Variants in ATP1B2 observed in about 807,000 individuals in gnomAD.
ATP1B2 encodes the protein ATPase Na+/K+ transporting subunit beta 2.
A neutral mutation model predicts 37.3 loss-of-function variants in ATP1B2; 12 were observed. That is an observed-to-expected ratio of 0.32 (90% confidence interval 0.21 to 0.52). The LOEUF is 0.52. Ranked by LOEUF, ATP1B2 falls within the 20% of genes least tolerant of loss-of-function variation. The probability of loss-of-function intolerance (pLI) is 0.96; values close to 1 mark genes in which losing one functional copy is unlikely to be tolerated. For synonymous variants in ATP1B2, 139 were observed against 140.5 expected (o/e 0.99, Z 0.07); for missense variants, 324 against 391.6 (o/e 0.83, Z 1.46).
chr17:7,646,716 TC>T (rs1026745324), upstream of ATP1B2: 19 of 152,284 alleles, frequency 1.2e-4, 1 homozygote, highest in Admixed American at 9.2e-4. Flanking sequence ...GCACATTATG[TC>T]TGCAACTGAA....
intron 1 of ATP1B2, among the ~76,000 whole-genome samples, chr17:7,653,153 C>A (rs1474069885): frequency 6.6e-6 from 1 of 152,108 alleles, no homozygotes; most frequent in Non-Finnish European, 1.5e-5. Flanking sequence ...TTCACTGTGC[C>A]CTAGGACCAG....
In ATP1B2 at chr17:7,651,565, A is replaced by T. The variant is rs1300793435; in HGVS notation, c.47A>T (p.Glu16Val). ...AAGAGCTGCGGGCAGGTGGTTGAGGAGTGGAAGGAGTTCGTGTGGAACCCG... is the reference window on the plus strand; with the variant it reads ...AAGAGCTGCGGGCAGGTGGTTGAGGTGTGGAAGGAGTTCGTGTGGAACCCG... Reference protein sequence around the residue: ...EKKSCGQVVEEWKEFVWNPRT... With the variant: ...EKKSCGQVVEVWKEFVWNPRT... The change falls in exon 1 of 7, where the codon GAG becomes GTG. Residue 16 changes from glutamate to valine, a missense_variant. Coordinates refer to ENST00000250111, the MANE Select transcript of ATP1B2 (RefSeq NM_001678.5). The T allele has an allele frequency of 3.1e-6, 5 of 1,608,224 alleles. No individual in the cohort carries two copies. The highest frequency in any genetic ancestry group is 3.4e-6 in the Non-Finnish European group (4 of 1,177,510).
chr17:7,649,330 T>G (rs908849959), upstream of ATP1B2, among the ~76,000 whole-genome samples: 1 of 152,106 alleles, frequency 6.6e-6, no homozygotes, highest in African/African-American at 2.4e-5. Flanking sequence ...GGCCTCGGCC[T>G]CCTATAGAGC....
upstream of ATP1B2, among the ~76,000 whole-genome samples, chr17:7,650,360 T>C (rs2072601957): frequency 6.6e-6 from 1 of 152,038 alleles, no homozygotes; most frequent in Non-Finnish European, 1.5e-5. Flanking sequence ...GGCTGTGAGA[T>C]TGGAGAAGGA....
chr17:7,655,662 C>T lies in ATP1B2; in HGVS notation c.708+37C>T, dbSNP rs367554240. On this transcript the variant is annotated intron_variant, in intron 6 of 6. Transcript: ENST00000250111. This position sits in a 1 kb window ranked among gnomAD's most constrained non-coding sequence, Gnocchi z 4.4. ...GGGAGGCCCAGGCTGATGGCGGGTG[C>T]GGGTGGTGAGCTAGGGAAGGAGGCC... The T allele has an allele frequency of 2.0e-5, 33 of 1,613,720 alleles. No individual in the cohort carries two copies. The highest frequency in any genetic ancestry group is 1.2e-4 in the African/African-American group (9 of 74,880).
At chr17:7,649,554 A>ATT (rs528991905), upstream of ATP1B2, among the ~76,000 whole-genome samples, 9 of 132,708 alleles carry the variant, frequency 6.8e-5, no homozygotes, top group Non-Finnish European at 1.3e-4. Flanking sequence ...TGCCCAGCTA[A>ATT]TTTTTTTTTT....
In ATP1B2 at chr17:7,653,435, C is replaced by T. The variant is rs2072626588; in HGVS notation, c.174C>T (p.Thr58=). ...YGFLTAMFTL[T]MWVMLQTVSD... is the part of the protein sequence containing the mutation. ...TCCTCACCGCCATGTTCACCCTCAC[C>T]ATGTGGGTGATGCTGCAGACTGTCT... The change falls in exon 2 of 7, where the codon ACC becomes ACT. Residue 58 remains threonine, a synonymous_variant. Transcript: ENST00000250111. The T allele has an allele frequency of 6.2e-7, 1 of 1,614,100 alleles. No homozygotes were observed.
At chr17:7,647,885 T>G (rs1613115), upstream of ATP1B2, among the ~76,000 whole-genome samples, 2 of 151,340 alleles carry the variant, frequency 1.3e-5, no homozygotes, top group African/African-American at 4.9e-5. Flanking sequence ...GAAAGCCAGG[T>G]GTGGTGATGT....
At chr17:7,647,868 A>G (rs542421230), upstream of ATP1B2, among the ~76,000 whole-genome samples, 4 of 151,520 alleles carry the variant, frequency 2.6e-5, no homozygotes, top group Admixed American at 1.3e-4. Context: ...AGAAAAAAAC[A>G]CCATGAGAAA....
At position 7,653,811 on chromosome 17, in the gene ATP1B2, AC is replaced by A. The variant is rs760674930; in HGVS notation, c.242-25del. 2.1e-5 allele frequency: 34 copies of A among 1,602,226 alleles called. No individual in the cohort carries two copies. In the East Asian group the frequency reaches 6.0e-4, roughly 28 times the overall value. On this transcript the variant is annotated intron_variant, in intron 2 of 6. Transcript: ENST00000250111. ...GTGTGCAGTCCCTCATCTTATAGAT[AC>A]CCCCAACTTCTGCCTTTGTTGGCTG...
chr17:7,655,777 C>A lies in ATP1B2; in HGVS notation c.755C>A (p.Thr252Asn), dbSNP rs770378678. 6.2e-6 allele frequency: 10 copies of A among 1,613,990 alleles called. No individual in the cohort carries two copies. The highest frequency in any genetic ancestry group is 3.3e-5 in the Admixed American group (2 of 59,994). The change falls in exon 7 of 7, where the codon ACC becomes AAC. Residue 252 changes from threonine (T) to asparagine (N), a missense_variant. By Grantham distance (65) the Thr-to-Asn change is moderately conservative (BLOSUM62 0). Transcript: ENST00000250111. The surrounding 1 kb of genome is among the most constrained non-coding windows in gnomAD (Gnocchi z 4.4). ...GTGGCTGTGAAGTTCCTGAATGTGA[C>A]CCCCAACGTGGAGGTGAATGTAGAA... ...PLVAVKFLNV[T>N]PNVEVNVECR...
upstream of ATP1B2, among the ~76,000 whole-genome samples, chr17:7,649,421 TC>T (rs895045453): frequency 1.3e-5 from 2 of 150,314 alleles, no homozygotes; most frequent in African/African-American, 4.9e-5. Context: ...GAAGTCTCAC[TC>T]TATTGCCCAA....
chr17:7,647,960 G>A (rs1166898497), upstream of ATP1B2, among the ~76,000 whole-genome samples: 2 of 152,140 alleles, frequency 1.3e-5, no homozygotes, highest in African/African-American at 2.4e-5. Context: ...TGCTGGGTAC[G>A]GTGGCTCACA....
rs1159101021 is a variant in ATP1B2 at position 7,653,457 on chromosome 17, G to C, written c.196G>C (p.Val66Leu). The C allele has an allele frequency of 1.2e-6, 2 of 1,613,932 alleles. No individual in the cohort carries two copies. Among genetic ancestry groups the C allele is most frequent in the Non-Finnish European group, 1.7e-6 (2 of 1,180,004 alleles). ...CACCATGTGGGTGATGCTGCAGACTGTCTCCGACCATACCCCCAAGTACCA... is the reference window on the plus strand; with the variant it reads ...CACCATGTGGGTGATGCTGCAGACTCTCTCCGACCATACCCCCAAGTACCA... ...TLTMWVMLQT[V>L]SDHTPKYQDR... Residue 66 changes from valine to leucine, a missense_variant, in exon 2 of 7, where the codon GTC (valine) becomes CTC (leucine). Physicochemically the swap from Val to Leu is conservative, Grantham distance 32. Coordinates refer to ENST00000250111, the MANE Select transcript of ATP1B2 (RefSeq NM_001678.5).
In ATP1B2 at chr17:7,653,446, T is replaced by C; in HGVS notation, c.185T>C (p.Met62Thr). Reference protein sequence around the residue: ...TAMFTLTMWVMLQTVSDHTPK... With the variant: ...TAMFTLTMWVTLQTVSDHTPK... Reference sequence around the variant, plus strand: ...ATGTTCACCCTCACCATGTGGGTGATGCTGCAGACTGTCTCCGACCATACC... The same window carrying C: ...ATGTTCACCCTCACCATGTGGGTGACGCTGCAGACTGTCTCCGACCATACC... Residue 62 changes from methionine to threonine, a missense_variant, in exon 2 of 7, where the codon ATG becomes ACG. Met to Thr is a moderately conservative substitution (Grantham distance 81). Coordinates refer to ENST00000250111, the MANE Select transcript of ATP1B2 (RefSeq NM_001678.5). 4 of 1,614,096 alleles carry C rather than the reference T, an allele frequency of 2.5e-6. No homozygotes were observed. The highest frequency in any genetic ancestry group is 2.5e-6 in the Non-Finnish European group (3 of 1,180,006).
In ATP1B2 at chr17:7,655,862, C is replaced by T. The variant is rs73979527; in HGVS notation, c.840C>T (p.Arg280=). 1,835 of 1,614,164 alleles carry T rather than the reference C, an allele frequency of 1.1e-3. 25 individuals carry two copies. In the African/African-American group the frequency reaches 0.021, roughly 18 times the overall value. Residue 280 remains arginine, a synonymous_variant, in exon 7 of 7, where the codon CGC becomes CGT. Transcript: ENST00000250111. The surrounding 1 kb of genome is among the most constrained non-coding windows in gnomAD (Gnocchi z 4.4). ...TDDERDKFAG[R]VAFKLRINKT is the part of the protein sequence containing the mutation. ...ATGAGCGAGACAAGTTCGCCGGCCG[C>T]GTGGCCTTCAAACTCCGCATCAACA...
rs2072643758 is a variant in ATP1B2 at position 7,655,505 on chromosome 17, CT to C, written c.610-21del. The C allele has an allele frequency of 1.9e-6, 3 of 1,613,296 alleles. No individual in the cohort carries two copies. The highest frequency in any genetic ancestry group is 1.1e-5 in the South Asian group (1 of 91,048). On this transcript the variant is annotated intron_variant, in intron 5 of 6. Transcript: ENST00000250111. This position sits in a 1 kb window ranked among gnomAD's most constrained non-coding sequence, Gnocchi z 4.4. Reference sequence around the variant, plus strand: ...CTGCCATCCCTAACTGGCTCACCCCCTATCTTCCTGCACCCCCACAGCGAGA... The same window carrying C: ...CTGCCATCCCTAACTGGCTCACCCCCATCTTCCTGCACCCCCACAGCGAGA...
chr17:7,654,108 T>G lies in ATP1B2; in HGVS notation c.403T>G (p.Tyr135Asp). The G allele has an allele frequency of 6.2e-7, 1 of 1,614,146 alleles. No individual in the cohort carries two copies. Among genetic ancestry groups the G allele is most frequent in the South Asian group, 1.1e-5 (1 of 91,072 alleles). Reference protein sequence around the residue: ...KNDVCRPGRYYEQPDNGVLNY... With the variant: ...KNDVCRPGRYDEQPDNGVLNY... ...TGATGTCTGCCGCCCTGGACGCTAT[T>G]ACGAACAGCCAGATAATGGAGTCCT... Residue 135 changes from tyrosine to aspartate, a missense_variant, in exon 4 of 7, where the codon TAC becomes GAC. Tyr to Asp is a radical substitution (Grantham distance 160). Transcript: ENST00000250111. The surrounding 1 kb of genome is among the most constrained non-coding windows in gnomAD (Gnocchi z 4.9).
chr17:7,655,465 T>G lies in ATP1B2; in HGVS notation c.610-62T>G. ...AACAAAAGAACAAATGGAAGTCTGG[T>G]GAGCTCCTGGGTGCCTGCCATCCCT... On this transcript the variant is annotated intron_variant, in intron 5 of 6. Transcript: ENST00000250111. The surrounding 1 kb of genome is among the most constrained non-coding windows in gnomAD (Gnocchi z 4.4). The G allele has an allele frequency of 3.0e-5, 45 of 1,495,520 alleles. No homozygotes were observed. Among genetic ancestry groups the G allele is most frequent in the Non-Finnish European group, 4.1e-5 (44 of 1,074,718 alleles). 92.6% of individuals were successfully genotyped at this position (1,495,520 alleles called of 1,614,324 possible).
Sources: allele counts gnomAD v4.1 joint callset (sites outside exome capture counted in the v4.1 genomes callset), GRCh38; gene constraint gnomAD v4.1.1; non-coding constraint Gnocchi (gnomAD v3.1); transcripts MANE v1.5; gene names NCBI Gene and HGNC (gene_info 2026-07-23, HGNC 2026-07-21).